Variants in SH3BGR observed in about 807,000 individuals in gnomAD.
The protein encoded by SH3BGR is SH3 domain binding glutamate rich protein, also known as SH3 domain-binding glutamic acid-rich protein.
In SH3BGR, 29 loss-of-function variants were observed where a neutral mutation model predicts 24.5. That is an observed-to-expected ratio of 1.18 (90% CI 0.88 to 1.61). The LOEUF (loss-of-function observed/expected upper bound fraction) is 1.61, where lower values mean the gene tolerates loss of function less well. SH3BGR is among the 40% of genes most tolerant of loss of function. The pLI is 0.00. For missense variants in SH3BGR, 162 were observed against 205.8 expected (o/e 0.79, Z 1.30); for synonymous variants, 55 against 65.7 (o/e 0.84, Z 0.79).
At chr21:39,452,999 A>T (rs2077599360) in intron 1 of SH3BGR, among the ~76,000 whole-genome samples, 2 of 152,202 alleles carry the variant, frequency 1.3e-5, no homozygotes. Context: ...ATTAAACCCA[A>T]GAGTTAGAGA....
chr21:39,469,006 G>T (rs1308580256), intron 2 of SH3BGR, among the ~76,000 whole-genome samples: 4 of 144,338 alleles, frequency 2.8e-5, no homozygotes, highest in African/African-American at 1.1e-4. Context: ...ATTCTAAGAT[G>T]TCTAGTTTTT....
chr21:39,451,346 A>C (rs2148440883), upstream of SH3BGR, among the ~76,000 whole-genome samples: 1 of 152,320 alleles, frequency 6.6e-6, no homozygotes, highest in East Asian at 1.9e-4. Context: ...GAGTATTGAG[A>C]AGCCAGCGGC....
In SH3BGR at chr21:39,462,480, G is replaced by C; in HGVS notation, c.151G>C (p.Glu51Gln). The C allele has an allele frequency of 1.2e-6, 2 of 1,609,992 alleles. No homozygotes were observed. Among genetic ancestry groups the C allele is most frequent in the Non-Finnish European group, 1.7e-6 (2 of 1,179,118 alleles). ...TGAAGACAACAGGAGGTGGATGAGA[G>C]AGAATGTTCCTGGAGAGAAAAAACC... ...GDEDNRRWMR[E>Q]NVPGEKKPQN... The change falls in exon 2 of 7, where the codon GAG (glutamate) becomes CAG (glutamine). Residue 51 changes from glutamate (E) to glutamine (Q), a missense_variant. By Grantham distance (29) the Glu-to-Gln change is conservative (BLOSUM62 2). Transcript: ENST00000333634.
intron 1 of SH3BGR, among the ~76,000 whole-genome samples, chr21:39,458,504 A>G (rs569889871): frequency 1.3e-5 from 2 of 151,680 alleles, no homozygotes; most frequent in African/African-American, 4.8e-5. Context: ...CACCCAGCTA[A>G]TTTTTGTATT....
chr21:39,501,837 A>G (rs2837054), intron 4 of SH3BGR, among the ~76,000 whole-genome samples: 63,363 of 152,194 alleles, frequency 0.42, 16,057 homozygotes, highest in East Asian at 0.68. Context: ...TTGTGCTTCA[A>G]GAACCTACTG....
intron 3 of SH3BGR, among the ~76,000 whole-genome samples, chr21:39,492,516 A>G (rs2078322259): frequency 6.8e-6 from 1 of 147,958 alleles, no homozygotes; most frequent in South Asian, 2.1e-4. Context: ...TTCTTTATCC[A>G]CTTGTTGATT....
intron 6 of SH3BGR, 113 bp from the exon 7 acceptor site, chr21:39,514,975 T>A (rs1602193756): frequency 2.9e-6 from 1 of 343,608 alleles, no homozygotes; most frequent in South Asian, 2.6e-5. Flanking sequence ...GACTAGTGGT[T>A]TATAGAATAA....
chr21:39,496,840 TA>T (rs1373048768), intron 3 of SH3BGR, among the ~76,000 whole-genome samples: 1 of 152,140 alleles, frequency 6.6e-6, no homozygotes, highest in Non-Finnish European at 1.5e-5. Context: ...ACTGAAGAAA[TA>T]AACCTGCAGT....
intron 2 of SH3BGR, among the ~76,000 whole-genome samples, chr21:39,471,130 C>G (rs1807726224): frequency 6.6e-6 from 1 of 151,900 alleles, no homozygotes; most frequent in Non-Finnish European, 1.5e-5. Context: ...TCTTCTTCCT[C>G]TTTCTCTTCG....
intron 4 of SH3BGR, among the ~76,000 whole-genome samples, chr21:39,502,989 T>TC (rs1034389836): frequency 2.6e-5 from 4 of 151,802 alleles, no homozygotes; most frequent in African/African-American, 9.7e-5. Flanking sequence ...CAAGCTCTTT[T>TC]TTTTTTTTTC....
chr21:39,466,901 T>C (rs898436170), intron 2 of SH3BGR, among the ~76,000 whole-genome samples: 29 of 104,132 alleles, frequency 2.8e-4, no homozygotes, highest in Admixed American at 2.2e-3. Context: ...TCAAAAGGGA[T>C]TTTTTTTTTG....
Position 39,511,264 on chromosome 21 carries a change from G to A in SH3BGR, c.436-416G>A, listed in dbSNP as rs2078688896. ...GTGTGGAGGGTATGTATGTGTATGT[G>A]TGATGTGTATGTGTATATTGTGTGT... On this transcript the variant is annotated intron_variant, in intron 5 of 6. Transcript: ENST00000333634. The surrounding 1 kb of genome is among the most constrained non-coding windows in gnomAD (Gnocchi z 4.2). Among the ~76,000 whole-genome samples the A allele has an allele frequency of 2.0e-5, 3 of 150,290 alleles. No homozygotes were observed. The highest frequency in any genetic ancestry group is 2.0e-4 in the Admixed American group (3 of 15,062).
chr21:39,457,138 A>G (rs935094785), intron 1 of SH3BGR, among the ~76,000 whole-genome samples: 67 of 147,034 alleles, frequency 4.6e-4, no homozygotes, highest in African/African-American at 1.5e-3. Context: ...AATCACCATC[A>G]AGAACAAATT....
intron 4 of SH3BGR, among the ~76,000 whole-genome samples, chr21:39,505,797 T>G (rs1268059613): frequency 6.6e-6 from 1 of 152,168 alleles, no homozygotes; most frequent in Non-Finnish European, 1.5e-5. Context: ...CCTCCATAGT[T>G]GTTGCTAGCT....
At chr21:39,460,130 C>T (rs764895829) in intron 1 of SH3BGR, among the ~76,000 whole-genome samples, 11 of 152,176 alleles carry the variant, frequency 7.2e-5, no homozygotes, top group Non-Finnish European at 1.3e-4. Flanking sequence ...GGACATTCAA[C>T]CATGTTCCCT....
chr21:39,504,343 C>A (rs1874860105), intron 4 of SH3BGR, among the ~76,000 whole-genome samples: 1 of 152,220 alleles, frequency 6.6e-6, no homozygotes, highest in African/African-American at 2.4e-5. Flanking sequence ...TGCCTCTGTC[C>A]TCTCATCTCT....
intron 2 of SH3BGR, among the ~76,000 whole-genome samples, chr21:39,463,287 T>A (rs186590476): frequency 6.6e-6 from 1 of 152,394 alleles, no homozygotes; most frequent in Non-Finnish European, 1.5e-5. Flanking sequence ...CTGGGCATTT[T>A]GGTTATAACA....
chr21:39,498,984 G>T (rs2078444396), intron 3 of SH3BGR, among the ~76,000 whole-genome samples: 1 of 152,196 alleles, frequency 6.6e-6, no homozygotes, highest in Admixed American at 6.5e-5. Flanking sequence ...AGGTGAAGGG[G>T]AAGCAAGGCA....
chr21:39,461,860 T>A (rs560144096), intron 1 of SH3BGR, among the ~76,000 whole-genome samples: 1 of 152,218 alleles, frequency 6.6e-6, no homozygotes, highest in South Asian at 2.1e-4. Flanking sequence ...TTTATTTATA[T>A]TTTTTTGGGA....
Sources: gnomAD v4.1 joint callset for allele counts (sites outside exome capture counted in the v4.1 genomes callset) on GRCh38, gnomAD v4.1.1 for gene constraint, Gnocchi (gnomAD v3.1) non-coding constraint, MANE v1.5 for transcripts, NCBI Gene and HGNC (gene_info 2026-07-23, HGNC 2026-07-21) for gene names.